PTPRD: variants seen among roughly 807,000 people sequenced by gnomAD.
PTPRD encodes the protein receptor-type tyrosine-protein phosphatase delta.
Under a neutral mutation model 214.5 loss-of-function variants are expected in PTPRD, and 34 were observed. That is an observed-to-expected ratio of 0.16 (90% CI 0.12 to 0.21). The LOEUF is 0.21. PTPRD is among the 10% of genes least tolerant of loss of function. PTPRD has a pLI of 1.00. For missense variants in PTPRD, 2,545 were observed against 2,398.7 expected (o/e 1.06, Z -1.27); for synonymous variants, 1,128 against 845.7 (o/e 1.33, Z -5.79).
chr9:10,568,696 T>C (rs949707054), intron 2 of PTPRD, among the ~76,000 whole-genome samples: 1 of 152,214 alleles, frequency 6.6e-6, no homozygotes, highest in Middle Eastern at 3.4e-3. Context: ...TAATAAATGG[T>C]GCTGGGAAAA....
chr9:9,332,026 G>T (rs893638250), intron 9 of PTPRD, among the ~76,000 whole-genome samples: 3 of 151,992 alleles, frequency 2.0e-5, no homozygotes, highest in Admixed American at 6.6e-5. Context: ...TTACATATTT[G>T]TTCCCTCTCT....
chr9:8,547,656 A>AG (rs2080639953), intron 14 of PTPRD, among the ~76,000 whole-genome samples: 1 of 151,932 alleles, frequency 6.6e-6, no homozygotes, highest in Non-Finnish European at 1.5e-5. Flanking sequence ...AAAAAAAAAA[A>AG]AAAAAGAGAG....
chr9:10,523,652 G>C (rs1337399822), intron 2 of PTPRD, among the ~76,000 whole-genome samples: 2 of 124,018 alleles, frequency 1.6e-5, no homozygotes, highest in Admixed American at 8.8e-5. Flanking sequence ...GAGAGAGAGA[G>C]AGAGAAATAA....
chr9:10,581,742 A>G (rs1170765594), intron 2 of PTPRD, among the ~76,000 whole-genome samples: 2 of 152,154 alleles, frequency 1.3e-5, no homozygotes, highest in African/African-American at 4.8e-5. Flanking sequence ...TAGTCTCAGC[A>G]GTTTAGGTCA....
intron 35 of PTPRD, among the ~76,000 whole-genome samples, chr9:8,413,244 T>G (rs956755774): frequency 1.3e-5 from 2 of 152,208 alleles, no homozygotes; most frequent in Admixed American, 6.5e-5. Context: ...GTTTCTTTAT[T>G]AAGTCTTTGT....
intron 12 of PTPRD, among the ~76,000 whole-genome samples, chr9:8,728,348 G>T (rs1216703272): frequency 2.0e-5 from 3 of 152,094 alleles, no homozygotes; most frequent in African/African-American, 7.2e-5. Flanking sequence ...AAAACAAAAA[G>T]ACATTTTTAT....
intron 3 of PTPRD, among the ~76,000 whole-genome samples, chr9:10,218,799 G>T (rs576410010): frequency 6.6e-6 from 1 of 151,844 alleles, no homozygotes; most frequent in East Asian, 1.9e-4. Context: ...TTACTATGTT[G>T]CTTGAATTGT....
chr9:8,706,405 T>G (rs2098210238), intron 12 of PTPRD, among the ~76,000 whole-genome samples: 1 of 152,180 alleles, frequency 6.6e-6, no homozygotes, highest in African/African-American at 2.4e-5. Context: ...AGACTTGAAA[T>G]AGCTTTATGG....
intron 10 of PTPRD, among the ~76,000 whole-genome samples, chr9:9,163,722 C>T (rs140049941): frequency 6.6e-6 from 1 of 152,248 alleles, no homozygotes; most frequent in Non-Finnish European, 1.5e-5. Context: ...ATAACTGACT[C>T]GACCATTCAT....
intron 10 of PTPRD, among the ~76,000 whole-genome samples, chr9:9,168,216 T>C (rs560331802): frequency 6.6e-6 from 1 of 152,316 alleles, no homozygotes; most frequent in African/African-American, 2.4e-5. Flanking sequence ...ACAAGGTCTA[T>C]GGCCCTTTAC....
chr9:9,625,801 T>C (rs965354594), intron 7 of PTPRD, among the ~76,000 whole-genome samples: 4 of 152,134 alleles, frequency 2.6e-5, no homozygotes, highest in Non-Finnish European at 4.4e-5. Flanking sequence ...GAACAGTTAA[T>C]TGTAGAAAGA....
At chr9:8,924,713 C>T (rs58161131) in intron 11 of PTPRD, among the ~76,000 whole-genome samples, 139 of 152,168 alleles carry the variant, frequency 9.1e-4, no homozygotes, top group African/African-American at 2.7e-3. Context: ...GACTCTGCAG[C>T]GCTGTCTCAT....
intron 33 of PTPRD, among the ~76,000 whole-genome samples, chr9:8,455,663 A>G (rs2133882856): frequency 6.6e-6 from 1 of 152,358 alleles, no homozygotes; most frequent in East Asian, 1.9e-4. Flanking sequence ...AAAGTAAATG[A>G]TGAAAATGAT....
intron 5 of PTPRD, among the ~76,000 whole-genome samples, chr9:9,773,922 A>G (rs1331625840): frequency 6.6e-6 from 1 of 152,044 alleles, no homozygotes; most frequent in African/African-American, 2.4e-5. Flanking sequence ...TCTTTAAATT[A>G]TTTTTCCACC....
chr9:8,357,055 C>T (rs2077147795), intron 39 of PTPRD, among the ~76,000 whole-genome samples: 1 of 152,144 alleles, frequency 6.6e-6, no homozygotes, highest in African/African-American at 2.4e-5. Flanking sequence ...CGGATTAACT[C>T]ATGGATATCT....
chr9:9,559,918 T>C (rs2082468731), intron 8 of PTPRD, among the ~76,000 whole-genome samples: 1 of 152,154 alleles, frequency 6.6e-6, no homozygotes, highest in Non-Finnish European at 1.5e-5. Flanking sequence ...CTGACCAGCT[T>C]CCACAGCTGC....
chr9:9,226,907 A>G (rs2099959838), intron 9 of PTPRD, among the ~76,000 whole-genome samples: 1 of 152,106 alleles, frequency 6.6e-6, no homozygotes, highest in African/African-American at 2.4e-5. Flanking sequence ...GCTACACCAG[A>G]TAATAAATAT....
At chr9:10,115,335 T>C (rs1364121735) in intron 3 of PTPRD, among the ~76,000 whole-genome samples, 1 of 152,100 alleles carries the variant, frequency 6.6e-6, no homozygotes, top group African/African-American at 2.4e-5. Flanking sequence ...AGTCATAATA[T>C]GGAATGTAAG....
intron 25 of PTPRD, among the ~76,000 whole-genome samples, chr9:8,498,485 G>T (rs2097325843): frequency 6.6e-6 from 1 of 152,010 alleles, no homozygotes; most frequent in South Asian, 2.1e-4. Context: ...ACCATGTTGA[G>T]CAGGATGGTC....
Sources: allele counts gnomAD v4.1 joint callset (sites outside exome capture counted in the v4.1 genomes callset), GRCh38; gene constraint gnomAD v4.1.1; transcripts MANE v1.5; gene names NCBI Gene and HGNC (gene_info 2026-07-23, HGNC 2026-07-21).